The following PPM1L variants were observed in gnomAD, a reference collection of about 807,000 sequenced individuals.
PPM1L encodes the protein protein phosphatase 1L.
In PPM1L, 13 loss-of-function variants were observed where a neutral mutation model predicts 31.4. That is an observed-to-expected ratio of 0.41 (90% CI 0.27 to 0.66). PPM1L has a LOEUF of 0.66. PPM1L is among the 30% of genes least tolerant of loss of function. The pLI, the probability that PPM1L is intolerant of heterozygous loss-of-function variation, is 0.29. For synonymous variants in PPM1L, 184 were observed against 175.4 expected (o/e 1.05, Z -0.39); for missense variants, 326 against 453.7 (o/e 0.72, Z 2.56).
At chr3:160,895,457 A>G (rs1713304327) in intron 1 of PPM1L, among the ~76,000 whole-genome samples, 1 of 152,128 alleles carries the variant, frequency 6.6e-6, no homozygotes, top group Admixed American at 6.6e-5. Flanking sequence ...GCTTCAAGCA[A>G]TCCTCCCACC....
At chr3:160,871,899 T>C (rs527759664) in intron 1 of PPM1L, among the ~76,000 whole-genome samples, 4 of 152,354 alleles carry the variant, frequency 2.6e-5, no homozygotes, top group African/African-American at 9.6e-5. Flanking sequence ...AACATTTTTA[T>C]TGAGCAGAAA....
At chr3:161,045,304 TC>T (rs1047893811) in intron 2 of PPM1L, among the ~76,000 whole-genome samples, 1 of 152,136 alleles carries the variant, frequency 6.6e-6, no homozygotes, top group African/African-American at 2.4e-5. Flanking sequence ...CCACCACAAA[TC>T]AACAGAATAT....
chr3:160,937,562 G>A (rs1045513992), intron 1 of PPM1L, among the ~76,000 whole-genome samples: 8 of 152,302 alleles, frequency 5.3e-5, no homozygotes, highest in Middle Eastern at 3.4e-3. Flanking sequence ...TGAGCTTGCA[G>A]TGAGCCGAGA....
intron 2 of PPM1L, among the ~76,000 whole-genome samples, chr3:161,008,710 G>A (rs899360788): frequency 7.9e-5 from 12 of 152,156 alleles, no homozygotes; most frequent in Admixed American, 1.3e-4. Context: ...AATGAGTCTG[G>A]AGTTTTTGAC....
chr3:160,887,573 C>CTT (rs58869949), intron 1 of PPM1L, among the ~76,000 whole-genome samples: 106,505 of 142,456 alleles, frequency 0.75, 40,085 homozygotes, highest in Middle Eastern at 0.82. Flanking sequence ...TAATATTCAA[C>CTT]TTTTTTTTTT....
intron 1 of PPM1L, among the ~76,000 whole-genome samples, chr3:160,953,755 T>C (rs1362165968): frequency 6.6e-6 from 1 of 152,224 alleles, no homozygotes; most frequent in Non-Finnish European, 1.5e-5. Context: ...TTCCCTAAAA[T>C]ATGGAGAGAT....
At chr3:160,801,239 C>T (rs1022551893) in intron 1 of PPM1L, among the ~76,000 whole-genome samples, 4 of 151,752 alleles carry the variant, frequency 2.6e-5, no homozygotes, top group Non-Finnish European at 5.9e-5. Flanking sequence ...CTGTATTTAC[C>T]TAGACTATTC....
Position 160,977,934 on chromosome 3 carries a change from T to G in PPM1L, c.574+16024T>G, listed in dbSNP as rs190148611. ...ATAAAGACTTTATCACAAGACTTCC[T>G]GTGTATGGGACATTGAACAACATTG... On this transcript the variant is annotated intron_variant, in intron 2 of 3. Transcript: ENST00000498165. Among the ~76,000 whole-genome samples the G allele has an allele frequency of 1.9e-3, 290 of 152,292 alleles. 1 individual carries two copies. Among genetic ancestry groups the G allele is most frequent in the Non-Finnish European group, 3.1e-3 (211 of 68,034 alleles).
chr3:161,005,702 C>T (rs1490791940), intron 2 of PPM1L, among the ~76,000 whole-genome samples: 1 of 152,078 alleles, frequency 6.6e-6, no homozygotes. Flanking sequence ...TGTGTTATGA[C>T]ATGTAAAGCA....
chr3:161,005,978 AC>A (rs1280457955), intron 2 of PPM1L, among the ~76,000 whole-genome samples: 11 of 151,008 alleles, frequency 7.3e-5, no homozygotes, highest in Admixed American at 6.6e-4. Context: ...CATTAAAAAA[AC>A]ATAAAAAAAT....
intron 1 of PPM1L, among the ~76,000 whole-genome samples, chr3:160,844,774 T>C (rs1433713380): frequency 6.6e-6 from 1 of 152,126 alleles, no homozygotes; most frequent in Non-Finnish European, 1.5e-5. Context: ...TTCACCCATA[T>C]AAAGTGTACA....
At chr3:160,772,326 A>G (rs1321230462) in intron 1 of PPM1L, among the ~76,000 whole-genome samples, 2 of 152,190 alleles carry the variant, frequency 1.3e-5, no homozygotes, top group East Asian at 3.8e-4. Context: ...TACTTGGGAA[A>G]TATTGCTTAA....
chr3:160,951,897 G>A (rs1715586635), intron 1 of PPM1L, among the ~76,000 whole-genome samples: 1 of 152,206 alleles, frequency 6.6e-6, no homozygotes, highest in African/African-American at 2.4e-5. Context: ...CACGTCTGCA[G>A]CTTTGGCTCT....
At chr3:160,762,450 T>C (rs879731884) in intron 1 of PPM1L, among the ~76,000 whole-genome samples, 1 of 152,234 alleles carries the variant, frequency 6.6e-6, no homozygotes, top group Non-Finnish European at 1.5e-5. Context: ...ACATTTTCTG[T>C]ATAGTTTGGC....
intron 1 of PPM1L, among the ~76,000 whole-genome samples, chr3:160,787,475 C>T (rs982410928): frequency 6.6e-6 from 1 of 151,934 alleles, no homozygotes; most frequent in Non-Finnish European, 1.5e-5. Context: ...ATTTAAGTTC[C>T]TCATAGATTC....
At chr3:160,872,350 T>C (rs925880524) in intron 1 of PPM1L, among the ~76,000 whole-genome samples, 17 of 152,320 alleles carry the variant, frequency 1.1e-4, no homozygotes, top group African/African-American at 4.1e-4. Context: ...TTGCTACTTT[T>C]TTCTCCCTCT....
At chr3:160,775,462 C>G (rs185549081) in intron 1 of PPM1L, among the ~76,000 whole-genome samples, 24 of 152,300 alleles carry the variant, frequency 1.6e-4, no homozygotes, top group African/African-American at 5.8e-4. Flanking sequence ...TTTCTTATTA[C>G]CCCTCACAGC....
intron 1 of PPM1L, among the ~76,000 whole-genome samples, chr3:160,874,036 C>T (rs1576682943): frequency 6.6e-6 from 1 of 152,130 alleles, no homozygotes; most frequent in Non-Finnish European, 1.5e-5. Flanking sequence ...TTTTTGGCTA[C>T]CCAGAGTCTG....
intron 2 of PPM1L, among the ~76,000 whole-genome samples, chr3:161,009,433 TTTG>T (rs1482707247): frequency 1.3e-5 from 2 of 152,210 alleles, no homozygotes; most frequent in African/African-American, 4.8e-5. Flanking sequence ...AGATGCAGTG[TTTG>T]TTTTTTAATA....
Sources: allele counts gnomAD v4.1 joint callset (sites outside exome capture counted in the v4.1 genomes callset), GRCh38; gene constraint gnomAD v4.1.1; transcripts MANE v1.5; gene names NCBI Gene and HGNC (gene_info 2026-07-23, HGNC 2026-07-21).